GRID2: variants seen among roughly 807,000 people sequenced by gnomAD.
GRID2 encodes the protein glutamate receptor ionotropic, delta-2.
A neutral mutation model predicts 114.8 loss-of-function variants in GRID2; 33 were observed. That is an observed-to-expected ratio of 0.29 (90% CI 0.22 to 0.38). The LOEUF (loss-of-function observed/expected upper bound fraction) is 0.38. GRID2 is among the 10% of genes least tolerant of loss of function. GRID2 has a pLI of 1.00. For missense variants in GRID2, 1,184 were observed against 1,257.7 expected (o/e 0.94, Z 0.89); for synonymous variants, 505 against 449.9 (o/e 1.12, Z -1.55).
intron 1 of GRID2, among the ~76,000 whole-genome samples, chr4:92,316,009 A>G (rs1035428897): frequency 1.6e-4 from 24 of 150,906 alleles, no homozygotes; most frequent in South Asian, 8.3e-4. Context: ...AAAAAAAAAA[A>G]AAAAAGAAAA....
chr4:92,305,742 G>A (rs1380350292), intron 1 of GRID2, among the ~76,000 whole-genome samples: 1 of 152,182 alleles, frequency 6.6e-6, no homozygotes, highest in East Asian at 1.9e-4. Context: ...AGCGCTCGCA[G>A]CTTCAGGCTC....
At chr4:92,795,790 G>A (rs1739837430) in intron 2 of GRID2, among the ~76,000 whole-genome samples, 1 of 151,808 alleles carries the variant, frequency 6.6e-6, no homozygotes, top group Admixed American at 6.6e-5. Context: ...TCATTGTCTG[G>A]AACGGGTTCA....
At chr4:92,725,663 G>A (rs1444428816) in intron 2 of GRID2, among the ~76,000 whole-genome samples, 4 of 152,096 alleles carry the variant, frequency 2.6e-5, no homozygotes, top group Non-Finnish European at 5.9e-5. Flanking sequence ...GTGCCATAAA[G>A]CCAAGGAAAT....
intron 12 of GRID2, among the ~76,000 whole-genome samples, chr4:93,505,385 C>T (rs1423572556): frequency 2.6e-5 from 4 of 151,816 alleles, no homozygotes; most frequent in African/African-American, 7.3e-5. Context: ...CTATAATCAG[C>T]AGTAACATTG....
At chr4:92,713,324 C>T (rs1212054129) in intron 2 of GRID2, among the ~76,000 whole-genome samples, 1 of 150,960 alleles carries the variant, frequency 6.6e-6, no homozygotes, top group African/African-American at 2.4e-5. Context: ...ATATAGTAAA[C>T]TTATGTTAGT....
chr4:92,916,511 A>C (rs1389644239), intron 2 of GRID2, among the ~76,000 whole-genome samples: 3 of 150,822 alleles, frequency 2.0e-5, no homozygotes, highest in Admixed American at 1.3e-4. Context: ...GCCTCCCCCC[A>C]GCCCCCACCC....
At chr4:92,495,340 C>T (rs765716442) in intron 1 of GRID2, among the ~76,000 whole-genome samples, 3 of 151,940 alleles carry the variant, frequency 2.0e-5, no homozygotes, top group Non-Finnish European at 4.4e-5. Context: ...TGGGGGAATA[C>T]TCAACATACA....
intron 2 of GRID2, among the ~76,000 whole-genome samples, chr4:92,736,905 A>G (rs2149328443): frequency 6.6e-6 from 1 of 152,266 alleles, no homozygotes; most frequent in African/African-American, 2.4e-5. Context: ...CATCAGCCTT[A>G]GCAAAACAAG....
At chr4:92,614,112 A>G (rs921494161) in intron 2 of GRID2, among the ~76,000 whole-genome samples, 2 of 151,502 alleles carry the variant, frequency 1.3e-5, no homozygotes, top group African/African-American at 4.8e-5. Context: ...CTACAGTGCT[A>G]TAGAACACTG....
intron 1 of GRID2, among the ~76,000 whole-genome samples, chr4:92,519,034 A>T (rs2149138028): frequency 6.6e-6 from 1 of 151,976 alleles, no homozygotes; most frequent in South Asian, 2.1e-4. Context: ...AGAACCCCAA[A>T]TTGAAGACAA....
At chr4:92,677,329 G>C (rs887571136) in intron 2 of GRID2, among the ~76,000 whole-genome samples, 3 of 152,134 alleles carry the variant, frequency 2.0e-5, no homozygotes, top group African/African-American at 7.2e-5. Context: ...AGTTCAGTAG[G>C]TTCTTGGCTA....
At chr4:92,980,895 G>C (rs556217239) in intron 2 of GRID2, among the ~76,000 whole-genome samples, 1 of 152,116 alleles carries the variant, frequency 6.6e-6, no homozygotes, top group East Asian at 1.9e-4. Context: ...TGGCATCATG[G>C]CCACACAAAC....
chr4:93,770,962 AAC>A (rs1319029164), intron 15 of GRID2, among the ~76,000 whole-genome samples: 9 of 152,146 alleles, frequency 5.9e-5, no homozygotes, highest in Non-Finnish European at 8.8e-5. Context: ...GAGAAGGAAA[AAC>A]AGTGATGCAC....
intron 2 of GRID2, among the ~76,000 whole-genome samples, chr4:93,005,345 C>T (rs1002135097): frequency 1.3e-5 from 2 of 152,006 alleles, no homozygotes; most frequent in Non-Finnish European, 2.9e-5. Context: ...TGCCTACAGA[C>T]TTTATACCAA....
chr4:93,513,733 T>G (rs893805157), intron 12 of GRID2, among the ~76,000 whole-genome samples: 1 of 152,062 alleles, frequency 6.6e-6, no homozygotes, highest in African/African-American at 2.4e-5. Context: ...AACACAAAAC[T>G]CAATAAAATG....
chr4:93,133,567 A>T lies in GRID2; in HGVS notation c.735+22614A>T, dbSNP rs114381147. ...ATATGTTTTGAGAATGCACTTTGGG[A>T]AAAAATTACTATGACTTTCAATTAT... On this transcript the variant is annotated intron_variant, in intron 4 of 15. Transcript: ENST00000282020. 7.2e-3 allele frequency among the ~76,000 whole-genome samples: 1,100 copies of T among 152,286 alleles called. 16 individuals carry two copies. The highest frequency in any genetic ancestry group is 0.025 in the African/African-American group (1,045 of 41,560).
intron 2 of GRID2, among the ~76,000 whole-genome samples, chr4:93,008,353 TG>T (rs1721777552): frequency 6.6e-6 from 1 of 152,094 alleles, no homozygotes; most frequent in Middle Eastern, 3.2e-3. Flanking sequence ...TGAAACAGTA[TG>T]GTAGAGTTGT....
chr4:92,877,708 C>G (rs1272270679), intron 2 of GRID2, among the ~76,000 whole-genome samples: 1 of 152,132 alleles, frequency 6.6e-6, no homozygotes, highest in Non-Finnish European at 1.5e-5. Flanking sequence ...TCCTGTCACT[C>G]TGAAAACCAT....
intron 1 of GRID2, among the ~76,000 whole-genome samples, chr4:92,431,576 C>CTTTTTT (rs139358667): frequency 8.8e-6 from 1 of 114,124 alleles, no homozygotes. Context: ...TTTGACGTGT[C>CTTTTTT]TTTTTTTTTT....
Sources: allele counts gnomAD v4.1 joint callset (sites outside exome capture counted in the v4.1 genomes callset), GRCh38; gene constraint gnomAD v4.1.1; transcripts MANE v1.5; gene names NCBI Gene and HGNC (gene_info 2026-07-23, HGNC 2026-07-21).